The following IGF1R variants were observed in gnomAD, a reference collection of about 807,000 sequenced individuals.
The protein encoded by IGF1R is insulin-like growth factor 1 receptor.
IGF1R carries 44 observed loss-of-function variants against 144.6 expected under a neutral mutation model. The observed-to-expected ratio is 0.30, with a 90% CI of 0.24 to 0.39. IGF1R has a LOEUF of 0.39. Ranked by LOEUF, IGF1R falls within the 10% of genes least tolerant of loss-of-function variation. IGF1R has a pLI of 1.00. For synonymous variants in IGF1R, 795 were observed against 722.8 expected, an observed-to-expected ratio of 1.10 and a Z score of -1.60; for missense variants, 1,355 against 1,833.7, an observed-to-expected ratio of 0.74 and a Z score of 4.77.
chr15:98,777,482 C>T (rs1290453347), intron 2 of IGF1R, among the ~76,000 whole-genome samples: 4 of 152,210 alleles, frequency 2.6e-5, no homozygotes, highest in African/African-American at 7.2e-5. Flanking sequence ...GTCTGCTCAC[C>T]GACCTCGGAA....
chr15:98,764,005 C>A (rs1432285627), intron 2 of IGF1R, among the ~76,000 whole-genome samples: 1 of 152,198 alleles, frequency 6.6e-6, no homozygotes, highest in Non-Finnish European at 1.5e-5. Context: ...TTTAGCTTTT[C>A]AATTCTCTTG....
In IGF1R at chr15:98,958,817, C is replaced by G. The variant is rs940686717; in HGVS notation, c.*1375C>G. 23 of 233,376 alleles carry G rather than the reference C, an allele frequency of 9.9e-5. No homozygotes were observed. The highest frequency in any genetic ancestry group is 1.9e-4 in the Non-Finnish European group (22 of 117,870). The allele number at this position is 233,376 out of a possible 1,614,324, so 14.5% of individuals were successfully genotyped here. A position where few individuals can be genotyped will look rare whatever the true frequency, so the allele number is the denominator to read the frequency against. On this transcript the variant is annotated 3_prime_UTR_variant, in exon 21 of 21. Coordinates refer to ENST00000650285, the MANE Select transcript of IGF1R (RefSeq NM_000875.5). ...TCCAAGAAACTTCTTATGCTTTGTA[C>G]TAGAGTGCGTGACTTTCTTCCTCTT...
chr15:98,687,140 A>G (rs2141224554), intron 1 of IGF1R, among the ~76,000 whole-genome samples: 1 of 152,322 alleles, frequency 6.6e-6, no homozygotes, highest in Non-Finnish European at 1.5e-5. Context: ...AGTGTTTACT[A>G]AGCACCTGCT....
chr15:98,716,669 A>G (rs1388477955), intron 2 of IGF1R, among the ~76,000 whole-genome samples: 2 of 152,202 alleles, frequency 1.3e-5, no homozygotes, highest in Non-Finnish European at 2.9e-5. Context: ...TTGCGGGAGT[A>G]GGCAGAAGAA....
In IGF1R at chr15:98,960,810, C is replaced by G. The variant is rs1171636892; in HGVS notation, c.*3368C>G. On this transcript the variant is annotated 3_prime_UTR_variant, in exon 21 of 21. Coordinates refer to ENST00000650285, the MANE Select transcript of IGF1R (RefSeq NM_000875.5). ...CTCCCCCTCCAGGCTGCCCTCTCAACTTCTCCCTCACCTCCTTCCCTAGGG... is the reference window on the plus strand; with the variant it reads ...CTCCCCCTCCAGGCTGCCCTCTCAAGTTCTCCCTCACCTCCTTCCCTAGGG... The G allele has an allele frequency of 4.3e-6, 1 of 233,812 alleles. No individual in the cohort carries two copies. Among genetic ancestry groups the G allele is most frequent in the Non-Finnish European group, 8.5e-6 (1 of 118,224 alleles). The allele number at this position is 233,812 out of a possible 1,614,324, so 14.5% of individuals were successfully genotyped here.
chr15:98,939,267 G>T lies in IGF1R; in HGVS notation c.3364G>T (p.Gly1122Cys). 1 of 1,613,620 alleles carries T rather than the reference G, an allele frequency of 6.2e-7. No individual in the cohort carries two copies. Among genetic ancestry groups the T allele is most frequent in the Non-Finnish European group, 8.5e-7 (1 of 1,179,568 alleles). The stretch of plus-strand genomic sequence containing the variant: ...TCAGATGGCCGGAGAGATTGCAGAC[G>T]GCATGGCATACCTCAACGCCAATAA... ...MIQMAGEIAD[G>C]MAYLNANKFV... Residue 1122 changes from glycine to cysteine, a missense_variant, in exon 18 of 21, where the codon GGC (glycine) becomes TGC (cysteine). Gly to Cys is a radical substitution (Grantham distance 159). This residue lies in a region of IGF1R where 77 missense variants were observed against 163.2 expected (regional missense o/e 0.47). Transcript: ENST00000650285.
rs539109822 is a variant in IGF1R, at chr15:98,896,817, A to G, written c.1014A>G (p.Thr338=). 1.9e-6 allele frequency: 3 copies of G among 1,614,122 alleles called. No homozygotes were observed. The highest frequency in any genetic ancestry group is 3.3e-5 in the Admixed American group (2 of 60,020). Residue 338 remains threonine (T), a synonymous_variant, in exon 4 of 21, where the codon ACA becomes ACG. Transcript: ENST00000650285. ...AGGTCTGTGAGGAAGAAAAGAAAAC[A>G]AAGACCATTGATTCTGTTACTTCTG... ...CPKVCEEEKK[T]KTIDSVTSAQ...
chr15:98,720,568 T>C (rs555375186), intron 2 of IGF1R, among the ~76,000 whole-genome samples: 3 of 152,214 alleles, frequency 2.0e-5, no homozygotes, highest in East Asian at 1.9e-4. Flanking sequence ...GTGGCTGCAA[T>C]TGGAAAGTTC....
intron 1 of IGF1R, among the ~76,000 whole-genome samples, chr15:98,683,819 G>A (rs995850391): frequency 6.6e-6 from 1 of 152,146 alleles, no homozygotes; most frequent in African/African-American, 2.4e-5. Context: ...TTTGGAAATC[G>A]GGACATAATT....
chr15:98,715,449 T>A (rs1309136770), intron 2 of IGF1R, among the ~76,000 whole-genome samples: 2 of 152,246 alleles, frequency 1.3e-5, no homozygotes, highest in Admixed American at 1.3e-4. Flanking sequence ...CTGGAGCCCC[T>A]TCAGCTCTCA....
At chr15:98,680,986 T>C (rs2311768) in intron 1 of IGF1R, among the ~76,000 whole-genome samples, 20,913 of 152,118 alleles carry the variant, frequency 0.14, 2,980 homozygotes, top group African/African-American at 0.36. Flanking sequence ...AGTGCAGTAA[T>C]GCACTACAGG....
At chr15:98,683,768 G>C (rs1368681428) in intron 1 of IGF1R, among the ~76,000 whole-genome samples, 2 of 152,186 alleles carry the variant, frequency 1.3e-5, no homozygotes, top group African/African-American at 4.8e-5. Flanking sequence ...AAGGAAGACA[G>C]ATGGTTTCAG....
At chr15:98,864,803 G>C (rs1480890171) in intron 2 of IGF1R, among the ~76,000 whole-genome samples, 1 of 152,200 alleles carries the variant, frequency 6.6e-6, no homozygotes, top group African/African-American at 2.4e-5. Flanking sequence ...TACTCCTCAA[G>C]TGTAACATTT....
rs879354104 is a variant in IGF1R at position 98,958,661 on chromosome 15, CTTT to C, written c.*1223_*1225del. ...ATCGTCTTTAATGTCACTTTTATAACTTTTTTACGGTTCAGATATTCATCTATA... is the reference window on the plus strand; with the variant it reads ...ATCGTCTTTAATGTCACTTTTATAACTTTACGGTTCAGATATTCATCTATA... On this transcript the variant is annotated 3_prime_UTR_variant, in exon 21 of 21. Coordinates refer to ENST00000650285, the MANE Select transcript of IGF1R (RefSeq NM_000875.5). The C allele has an allele frequency of 4.3e-6, 1 of 231,306 alleles. No individual in the cohort carries two copies. Among genetic ancestry groups the C allele is most frequent in the Non-Finnish European group, 8.6e-6 (1 of 116,764 alleles). The allele number at this position is 231,306 out of a possible 1,614,324, so 14.3% of individuals were successfully genotyped here. A position where few individuals can be genotyped will look rare whatever the true frequency, so the allele number is the denominator to read the frequency against.
At position 98,948,556 on chromosome 15, in the gene IGF1R, GT is replaced by G. The variant is rs745660795; in HGVS notation, c.3588-11del. 3 of 1,613,296 alleles carry G rather than the reference GT, an allele frequency of 1.9e-6. No individual in the cohort carries two copies. Among genetic ancestry groups the G allele is most frequent in the Non-Finnish European group, 8.5e-7 (1 of 1,179,878 alleles). On this transcript the variant is annotated splice_polypyrimidine_tract_variant and intron_variant, in intron 19 of 20. Transcript: ENST00000650285. ...TCCATCCCTTTCCAAGCTCCTCACA[GT>G]TTTTTTCTCCCTGTAGGTCCTTCGG...
At chr15:98,927,978 T>G (rs2015788715) in intron 13 of IGF1R, among the ~76,000 whole-genome samples, 1 of 152,208 alleles carries the variant, frequency 6.6e-6, no homozygotes, top group African/African-American at 2.4e-5. Context: ...GCCTCTTCTC[T>G]CCTTTGCTCC....
rs1484826519 is a variant in IGF1R at position 98,649,517 on chromosome 15, TTTC to T, written c.-62_-60del. Reference sequence around the variant, plus strand: ...GTTTCCTTTCATTTCCTTTTTTTCTTTTCTTTTCTTTTTTTTTTTTTTTTTTTT... The same window carrying T: ...GTTTCCTTTCATTTCCTTTTTTTCTTTTTTCTTTTTTTTTTTTTTTTTTTT... On this transcript the variant is annotated 5_prime_UTR_variant, in exon 1 of 21. Coordinates refer to ENST00000650285, the MANE Select transcript of IGF1R (RefSeq NM_000875.5). 4.3e-5 allele frequency: 40 copies of T among 921,678 alleles called. No homozygotes were observed. The highest frequency in any genetic ancestry group is 2.4e-4 in the African/African-American group (10 of 41,094). 57.1% of individuals were successfully genotyped at this position (921,678 alleles called of 1,614,324 possible).
At chr15:98,911,040 T>G (rs906686654) in intron 6 of IGF1R, among the ~76,000 whole-genome samples, 16 of 152,220 alleles carry the variant, frequency 1.1e-4, no homozygotes, top group African/African-American at 2.9e-4. Context: ...AGTCGCCCCT[T>G]GTTTTCAGGT....
chr15:98,794,206 G>C (rs997839521), intron 2 of IGF1R, among the ~76,000 whole-genome samples: 5 of 152,334 alleles, frequency 3.3e-5, no homozygotes, highest in African/African-American at 1.2e-4. Flanking sequence ...CGCCAGTCTA[G>C]ACTTCCGCAG....
Sources: allele counts gnomAD v4.1 joint callset (sites outside exome capture counted in the v4.1 genomes callset), GRCh38; gene constraint gnomAD v4.1.1; regional missense constraint gnomAD v4.1.1; transcripts MANE v1.5; gene names NCBI Gene and HGNC (gene_info 2026-07-23, HGNC 2026-07-21).